Variants in NARS2 observed in about 807,000 individuals in gnomAD.
The protein encoded by NARS2 is asparaginyl-tRNA synthetase.
Under a neutral mutation model 62.9 loss-of-function variants are expected in NARS2, and 60 were observed. The observed-to-expected ratio is 0.95, with a 90% CI of 0.77 to 1.18. NARS2 has a LOEUF of 1.18. Among genes scored for constraint, NARS2 ranks in the 50% most tolerant of loss-of-function variants. The probability of loss-of-function intolerance (pLI) is 0.00; values close to 1 mark genes in which losing one functional copy is unlikely to be tolerated. For missense variants in NARS2, 619 were observed against 576.4 expected, an observed-to-expected ratio of 1.07 and a Z score of -0.76; for synonymous variants, 196 against 200.0, an observed-to-expected ratio of 0.98 and a Z score of 0.17.
intron 5 of NARS2, among the ~76,000 whole-genome samples, chr11:78,551,505 C>G (rs1329397065): frequency 6.6e-6 from 1 of 152,170 alleles, no homozygotes; most frequent in Non-Finnish European, 1.5e-5. Flanking sequence ...CATGACTACA[C>G]TTTCATATTT....
intron 6 of NARS2, among the ~76,000 whole-genome samples, chr11:78,502,774 TGAG>T (rs1425187507): frequency 6.6e-6 from 1 of 152,152 alleles, no homozygotes; most frequent in Non-Finnish European, 1.5e-5. Flanking sequence ...GTGAATCAGC[TGAG>T]GCTGTCAGGA....
At chr11:78,573,928 TA>T (rs1857018517) in intron 1 of NARS2, among the ~76,000 whole-genome samples, 3 of 152,200 alleles carry the variant, frequency 2.0e-5, no homozygotes, top group African/African-American at 7.2e-5. Flanking sequence ...GCTAAAAGTT[TA>T]AAAGGCATGG....
intron 11 of NARS2, among the ~76,000 whole-genome samples, chr11:78,456,498 G>A (rs1337908528): frequency 1.3e-5 from 2 of 152,154 alleles, no homozygotes; most frequent in Non-Finnish European, 2.9e-5. Flanking sequence ...TTGGTTGGTG[G>A]CTCGAGCTAT....
intron 5 of NARS2, among the ~76,000 whole-genome samples, chr11:78,549,288 TA>T (rs1300885962): frequency 1.3e-5 from 2 of 152,208 alleles, no homozygotes; most frequent in African/African-American, 2.4e-5. Context: ...ACTCAGCTCC[TA>T]AATCAGGAGG....
intron 10 of NARS2, among the ~76,000 whole-genome samples, chr11:78,466,921 T>C (rs1202434039): frequency 2.0e-5 from 3 of 152,208 alleles, no homozygotes; most frequent in Non-Finnish European, 2.9e-5. Context: ...ATACTGGATA[T>C]AGTGGTAAGA....
intron 6 of NARS2, among the ~76,000 whole-genome samples, chr11:78,508,054 G>A (rs1427910878): frequency 6.6e-6 from 1 of 152,072 alleles, no homozygotes; most frequent in Non-Finnish European, 1.5e-5. Context: ...GAACACCTAG[G>A]AAAACAAAAG....
At chr11:78,448,065 ATGAT>A (rs1321835491) in intron 11 of NARS2, among the ~76,000 whole-genome samples, 1 of 152,304 alleles carries the variant, frequency 6.6e-6, no homozygotes, top group East Asian at 1.9e-4. Flanking sequence ...CACTATAAAA[ATGAT>A]AGATAAGTCA....
chr11:78,440,991 A>T, intron 13 of NARS2, 100 bp downstream of exon 13: 2 of 1,048,572 alleles, frequency 1.9e-6, no homozygotes, highest in Non-Finnish European at 2.9e-6. Flanking sequence ...CATTGTTTTT[A>T]ACACTCTTTC....
At chr11:78,541,202 G>A (rs902410245) in intron 5 of NARS2, among the ~76,000 whole-genome samples, 1 of 152,122 alleles carries the variant, frequency 6.6e-6, no homozygotes, top group Non-Finnish European at 1.5e-5. Context: ...TGTAAAAGAT[G>A]CTAAAGCTTA....
chr11:78,521,714 C>T (rs952708099), intron 6 of NARS2, among the ~76,000 whole-genome samples: 7 of 134,812 alleles, frequency 5.2e-5, no homozygotes, highest in African/African-American at 1.4e-4. Context: ...GGCGTGAACC[C>T]GGGAGGCGGA....
Position 78,543,470 on chromosome 11 carries a change from T to C in NARS2, c.595-14534A>G, listed in dbSNP as rs773590379. Among the ~76,000 whole-genome samples the C allele has an allele frequency of 2.6e-4, 40 of 152,240 alleles. 1 individual carries two copies. The highest frequency in any genetic ancestry group is 1.5e-4 in the Non-Finnish European group (10 of 68,040). On this transcript the variant is annotated intron_variant, in intron 5 of 13. Transcript: ENST00000281038. ...ACATTTTCTTTTCATTTATGATTACTTGAATTCTAATGTCCAGACTAGCAA... is the reference window on the plus strand; with the variant it reads ...ACATTTTCTTTTCATTTATGATTACCTGAATTCTAATGTCCAGACTAGCAA...
chr11:78,437,440 G>A (rs1857441981), intron 13 of NARS2, among the ~76,000 whole-genome samples: 1 of 152,054 alleles, frequency 6.6e-6, no homozygotes, highest in Non-Finnish European at 1.5e-5. Context: ...TCTGCCTTAG[G>A]CCTAGTGAAG....
chr11:78,537,392 G>T (rs978650237), intron 5 of NARS2, among the ~76,000 whole-genome samples: 3 of 152,156 alleles, frequency 2.0e-5, no homozygotes, highest in Admixed American at 2.0e-4. Context: ...ATTCATGTAG[G>T]GTACAACTTG....
At chr11:78,447,006 G>A (rs760683925) in intron 11 of NARS2, among the ~76,000 whole-genome samples, 5 of 149,536 alleles carry the variant, frequency 3.3e-5, no homozygotes, top group Non-Finnish European at 7.4e-5. Context: ...AGAAAATAAC[G>A]TGATTAAAAA....
intron 5 of NARS2, among the ~76,000 whole-genome samples, chr11:78,538,827 C>T (rs1176979654): frequency 1.3e-5 from 2 of 150,922 alleles, no homozygotes; most frequent in Non-Finnish European, 2.9e-5. Flanking sequence ...AACCCCGTCT[C>T]TACTAAAAAT....
chr11:78,453,869 T>C (rs1858057683), intron 11 of NARS2, among the ~76,000 whole-genome samples: 1 of 152,176 alleles, frequency 6.6e-6, no homozygotes, highest in Non-Finnish European at 1.5e-5. Context: ...TTGGCTACTA[T>C]AATGGCTAGC....
chr11:78,559,561 G>C lies in NARS2; in HGVS notation c.572C>G (p.Ala191Gly), dbSNP rs548096482. 6.2e-7 allele frequency: 1 copy of C among 1,612,558 alleles called. No homozygotes were observed. Among genetic ancestry groups the C allele is most frequent in the African/African-American group, 1.3e-5 (1 of 74,982 alleles). Residue 191 changes from alanine to glycine, a missense_variant, in exon 5 of 14, where the codon GCT becomes GGT. Transcript: ENST00000281038. The stretch of plus-strand genomic sequence containing the variant: ...TACTTCAAGTTGAAAAAGTTCTCCA[G>C]CTCCCTCAGAGTCATTGGATGTGAT... ...PIITSNDSEG[A>G]GELFQLEPSG...
chr11:78,558,370 A>G (rs944033220), intron 5 of NARS2: 3 of 152,198 alleles, frequency 2.0e-5, no homozygotes, highest in Non-Finnish European at 4.4e-5. Flanking sequence ...CCCAGAGACT[A>G]CTTTGTTCAA....
Position 78,460,934 on chromosome 11 carries a change from T to C in NARS2, c.1164+4942A>G, listed in dbSNP as rs1187888344. On this transcript the variant is annotated intron_variant, in intron 11 of 13. Transcript: ENST00000281038. ...TTCTTGCCATTATTTCCCTAAACAATACAGCATAACAACTATTTACACAGC... is the reference window on the plus strand; with the variant it reads ...TTCTTGCCATTATTTCCCTAAACAACACAGCATAACAACTATTTACACAGC... Among the ~76,000 whole-genome samples, 3 of 152,202 alleles carry C rather than the reference T, an allele frequency of 2.0e-5. No individual in the cohort carries two copies. In the East Asian group the frequency reaches 5.8e-4, roughly 29 times the overall value.
Sources: gnomAD v4.1 joint callset for allele counts (sites outside exome capture counted in the v4.1 genomes callset) on GRCh38, gnomAD v4.1.1 for gene constraint, MANE v1.5 for transcripts, NCBI Gene and HGNC (gene_info 2026-07-23, HGNC 2026-07-21) for gene names.